Variants in RPA3 observed in about 807,000 individuals in gnomAD.
RPA3 encodes the protein replication protein A 14 kDa subunit.
In RPA3, 24 loss-of-function variants were observed where a neutral mutation model predicts 13.7. The observed-to-expected ratio is 1.75, with a 90% confidence interval of 1.27 to 2.46. The LOEUF is 2.46. RPA3 is among the 30% of genes most tolerant of loss of function. RPA3 has a pLI of 0.00. For synonymous variants in RPA3, 59 were observed against 51.2 expected (o/e 1.15, Z -0.65); for missense variants, 183 against 151.0 (o/e 1.21, Z -1.11).
chr7:7,669,770 T>G (rs1360630294), intron 4 of RPA3, among the ~76,000 whole-genome samples: 1 of 152,186 alleles, frequency 6.6e-6, no homozygotes, highest in African/African-American at 2.4e-5. Context: ...ACTGATGCCT[T>G]TGTAATAATT....
Position 7,640,561 on chromosome 7 carries a change from T to C in RPA3, c.-143A>G, listed in dbSNP as rs945913975. ...TTCGCCAATTAAATGCGCGGAAACC[T>C]AAATCGCAATCGCGCTGTCTCTGAA... On this transcript the variant is annotated 5_prime_UTR_variant, in exon 5 of 8. Transcript: ENST00000223129. 4 of 718,786 alleles carry C rather than the reference T, an allele frequency of 5.6e-6. No individual in the cohort carries two copies. The highest frequency in any genetic ancestry group is 9.5e-6 in the Non-Finnish European group (4 of 422,636). The allele number at this position is 718,786 out of a possible 1,614,324, so 44.5% of individuals were successfully genotyped here.
chr7:7,676,194 C>G (rs1779734174), intron 4 of RPA3: 5 of 398,576 alleles, frequency 1.3e-5, no homozygotes, highest in African/African-American at 4.1e-5. Context: ...ACGACTTACT[C>G]TCTACCCTTG....
At chr7:7,673,344 A>G (rs1238010261) in intron 4 of RPA3, 2 of 1,271,142 alleles carry the variant, frequency 1.6e-6, no homozygotes, top group Non-Finnish European at 2.2e-6. Context: ...CAGCAGCAGC[A>G]GCAGCAGCAG....
At chr7:7,677,361 A>G in intron 4 of RPA3, among the ~76,000 whole-genome samples, 1 of 151,912 alleles carries the variant, frequency 6.6e-6, no homozygotes, top group Middle Eastern at 3.2e-3. Context: ...ATCTAACTGT[A>G]TTTTTGTACC....
intron 4 of RPA3, among the ~76,000 whole-genome samples, chr7:7,662,294 C>T (rs1364006788): frequency 6.6e-6 from 1 of 152,180 alleles, no homozygotes; most frequent in Non-Finnish European, 1.5e-5. Flanking sequence ...TCCCTGGCTT[C>T]AGCCCCCTTT....
chr7:7,673,253 G>T, intron 4 of RPA3: 1 of 1,012,392 alleles, frequency 9.9e-7, no homozygotes, highest in Non-Finnish European at 1.5e-6. Context: ...TGCTAAAAAG[G>T]GTAAGAGTTT....
At chr7:7,639,576 T>C (rs1318259018) in intron 5 of RPA3, among the ~76,000 whole-genome samples, 2 of 152,174 alleles carry the variant, frequency 1.3e-5, no homozygotes, top group African/African-American at 2.4e-5. Flanking sequence ...GGGAAGCAGC[T>C]GTAAAGAGCG....
chr7:7,637,711 T>C (rs1380199906), intron 7 of RPA3, among the ~76,000 whole-genome samples, 153 bp downstream of exon 7: 4 of 151,584 alleles, frequency 2.6e-5, no homozygotes, highest in African/African-American at 9.7e-5. Context: ...TAAAACTGTA[T>C]GTTATGTAAT....
chr7:7,663,196 C>G (rs907046670), intron 4 of RPA3, among the ~76,000 whole-genome samples: 4 of 128,274 alleles, frequency 3.1e-5, no homozygotes, highest in African/African-American at 1.1e-4. Flanking sequence ...AAAAAAAAGT[C>G]TGGTCTTGAC....
At chr7:7,656,113 G>A (rs936121555) in intron 4 of RPA3, among the ~76,000 whole-genome samples, 1 of 152,066 alleles carries the variant, frequency 6.6e-6, no homozygotes, top group African/African-American at 2.4e-5. Flanking sequence ...GAGATTACAG[G>A]CATGAGCCAC....
Position 7,636,717 on chromosome 7 carries a change from T to C in RPA3, c.*283A>G, listed in dbSNP as rs566124841. On this transcript the variant is annotated 3_prime_UTR_variant, in exon 8 of 8. Coordinates refer to ENST00000223129, the MANE Select transcript of RPA3 (RefSeq NM_002947.5). ...AGAATGAAAATGAAATGACCGATAG[T>C]ACGTACCATTTTAGTTTTTATTAAT... 19 of 315,596 alleles carry C rather than the reference T, an allele frequency of 6.0e-5. No homozygotes were observed. In the East Asian group the frequency reaches 1.5e-3, roughly 24 times the overall value. 19.5% of individuals were successfully genotyped at this position (315,596 alleles called of 1,614,324 possible).
rs924634212 is a variant in RPA3 at position 7,710,306 on chromosome 7, G to A, written c.-1028+4869C>T. ...GTGTCTCACACTTTATGCAAAAATT[G>A]CCCAAAATGAAAGGACTAGTCCCTA... On this transcript the variant is annotated intron_variant, in intron 2 of 7. Coordinates refer to ENST00000223129, the MANE Select transcript of RPA3 (RefSeq NM_002947.5). Among the ~76,000 whole-genome samples the A allele has an allele frequency of 2.8e-4, 42 of 151,922 alleles. 1 individual carries two copies. Among genetic ancestry groups the A allele is most frequent in the Admixed American group, 2.8e-3 (42 of 15,246 alleles).
intron 4 of RPA3, among the ~76,000 whole-genome samples, chr7:7,641,979 ATG>A (rs1194949585): frequency 6.6e-6 from 1 of 152,214 alleles, no homozygotes; most frequent in African/African-American, 2.4e-5. Context: ...CAGATGTAGA[ATG>A]TGTGTCAGTG....
chr7:7,657,405 G>GGT (rs1421745126), intron 4 of RPA3, among the ~76,000 whole-genome samples: 1 of 152,148 alleles, frequency 6.6e-6, no homozygotes, highest in African/African-American at 2.4e-5. Context: ...TGTCCTGAAT[G>GGT]GTATTGCCTA....
At chr7:7,677,965 G>A (rs1036722711) in intron 4 of RPA3, among the ~76,000 whole-genome samples, 2 of 151,902 alleles carry the variant, frequency 1.3e-5, no homozygotes, top group South Asian at 2.1e-4. Flanking sequence ...GAGCCACCGC[G>A]CCCGGCCTAT....
intron 2 of RPA3, among the ~76,000 whole-genome samples, chr7:7,687,537 G>A (rs1780067974): frequency 6.6e-6 from 1 of 152,110 alleles, no homozygotes; most frequent in African/African-American, 2.4e-5. Flanking sequence ...CAGACTGGAA[G>A]GCCGATCTAT....
intron 4 of RPA3, among the ~76,000 whole-genome samples, chr7:7,663,516 A>G (rs1481460311): frequency 1.3e-5 from 2 of 151,746 alleles, no homozygotes; most frequent in Non-Finnish European, 1.5e-5. Flanking sequence ...ACGGAAAAAC[A>G]GGGGGAGAGT....
At chr7:7,647,524 C>G (rs1785123537) in intron 4 of RPA3, among the ~76,000 whole-genome samples, 1 of 152,192 alleles carries the variant, frequency 6.6e-6, no homozygotes, top group African/African-American at 2.4e-5. Flanking sequence ...TGCTTAATAT[C>G]TCAATTATCG....
Position 7,671,599 on chromosome 7 carries a change from T to G in RPA3, c.-758+14231A>C, listed in dbSNP as rs190265469. ...GTCGTTTAATTTGAAATCTATTGTC[T>G]TACATTTCTGCTTGCAAACCAATTC... is the stretch of plus-strand genomic sequence containing the variant. On this transcript the variant is annotated intron_variant, in intron 4 of 7. Coordinates refer to ENST00000223129, the MANE Select transcript of RPA3 (RefSeq NM_002947.5). Among the ~76,000 whole-genome samples, 17 of 152,336 alleles carry G rather than the reference T, an allele frequency of 1.1e-4. 1 individual carries two copies. The highest frequency in any genetic ancestry group is 3.3e-4 in the Admixed American group (5 of 15,308).
Sources: allele counts gnomAD v4.1 joint callset (sites outside exome capture counted in the v4.1 genomes callset), GRCh38; gene constraint gnomAD v4.1.1; transcripts MANE v1.5; gene names NCBI Gene and HGNC (gene_info 2026-07-23, HGNC 2026-07-21).